The following ANO2 variants were observed in gnomAD, a reference collection of about 807,000 sequenced individuals.
ANO2 encodes the protein anoctamin 2.
ANO2 carries 101 observed loss-of-function variants against 124.2 expected under a neutral mutation model. The observed-to-expected ratio is 0.81, with a 90% confidence interval of 0.69 to 0.96. The LOEUF is 0.96. Among genes scored for constraint, ANO2 ranks in the 40% least tolerant of loss-of-function variants. ANO2 has a pLI of 0.00. For synonymous variants in ANO2, 486 were observed against 482.5 expected (o/e 1.01, Z -0.09); for missense variants, 1,293 against 1,274.5 (o/e 1.01, Z -0.22).
At chr12:5,610,972 C>CTTT (rs34792083) in intron 19 of ANO2, among the ~76,000 whole-genome samples, 5 of 113,614 alleles carry the variant, frequency 4.4e-5, no homozygotes, top group East Asian at 2.7e-4. Flanking sequence ...AACTTCTCTG[C>CTTT]TTTTTTTTTT....
At chr12:5,931,475 G>A (rs966211623) in intron 1 of ANO2, among the ~76,000 whole-genome samples, 3 of 151,910 alleles carry the variant, frequency 2.0e-5, no homozygotes, top group Non-Finnish European at 2.9e-5. Context: ...TCACAAGGAA[G>A]GAAGGCCTAT....
At chr12:5,912,955 A>G (rs2136293854) in intron 3 of ANO2, among the ~76,000 whole-genome samples, 1 of 152,326 alleles carries the variant, frequency 6.6e-6, no homozygotes, top group African/African-American at 2.4e-5. Context: ...TGCGTTTGCT[A>G]TATCCTTTCC....
chr12:5,681,164 T>G (rs2137000780), intron 14 of ANO2, among the ~76,000 whole-genome samples: 1 of 152,234 alleles, frequency 6.6e-6, no homozygotes, highest in South Asian at 2.1e-4. Context: ...GGAAAGAGAC[T>G]CCAGGTAAAC....
chr12:5,704,477 A>T (rs2137031582), intron 14 of ANO2, among the ~76,000 whole-genome samples: 1 of 152,346 alleles, frequency 6.6e-6, no homozygotes, highest in Non-Finnish European at 1.5e-5. Context: ...AGCTTCTGGT[A>T]TTCTCAAAAT....
chr12:5,769,279 C>T lies in ANO2; in HGVS notation c.1056-18309G>A, dbSNP rs956953350. 2.0e-5 allele frequency among the ~76,000 whole-genome samples: 3 copies of T among 152,110 alleles called. No homozygotes were observed. Among genetic ancestry groups the T allele is most frequent in the African/African-American group, 4.8e-5 (2 of 41,430 alleles). ...GCTGCAGAGCCAGGCTGATGGGGTA[C>T]AGGTGGGACCAGGAACCAGGACTGG... On this transcript the variant is annotated intron_variant, in intron 10 of 24. Transcript: ENST00000682330. This position sits in a 1 kb window ranked among gnomAD's most constrained non-coding sequence, Gnocchi z 4.0.
chr12:5,660,096 T>G (rs1442513422), intron 14 of ANO2, among the ~76,000 whole-genome samples: 2 of 152,172 alleles, frequency 1.3e-5, no homozygotes, highest in African/African-American at 4.8e-5. Flanking sequence ...ATGGTTCGAC[T>G]TACAATTTTT....
intron 20 of ANO2, among the ~76,000 whole-genome samples, chr12:5,586,241 A>T (rs1454566349): frequency 6.6e-6 from 1 of 152,212 alleles, no homozygotes. Context: ...AGATAACACC[A>T]AGCAATCTAT....
chr12:5,847,445 CTGTG>C lies in ANO2; in HGVS notation c.633+6594_633+6597del, dbSNP rs35366359. On this transcript the variant is annotated intron_variant, in intron 4 of 24. Coordinates refer to ENST00000682330, the MANE Select transcript of ANO2 (RefSeq NM_001364791.2). Reference sequence around the variant, plus strand: ...TATTAATCAATTCCTCATAACACCTCTGTGTGTGTGTGTGTGTGTGTGTGTGTGT... The same window carrying C: ...TATTAATCAATTCCTCATAACACCTCTGTGTGTGTGTGTGTGTGTGTGTGT... Among the ~76,000 whole-genome samples, 1,090 of 144,666 alleles carry C rather than the reference CTGTG, an allele frequency of 7.5e-3. 7 individuals carry two copies. Among genetic ancestry groups the C allele is most frequent in the Non-Finnish European group, 0.011 (750 of 66,022 alleles). 94.9% of individuals were successfully genotyped at this position (144,666 alleles called of 152,430 possible). A position where few individuals can be genotyped will look rare whatever the true frequency, so the allele number is the denominator to read the frequency against.
chr12:5,587,629 G>A (rs1217901197), intron 20 of ANO2, among the ~76,000 whole-genome samples: 1 of 152,126 alleles, frequency 6.6e-6, no homozygotes, highest in Non-Finnish European at 1.5e-5. Flanking sequence ...CCTCCGAGAT[G>A]GGGGAGTGGG....
intron 3 of ANO2, among the ~76,000 whole-genome samples, chr12:5,905,139 A>AG (rs1940584964): frequency 6.6e-6 from 1 of 152,104 alleles, no homozygotes; most frequent in Non-Finnish European, 1.5e-5. Flanking sequence ...AAGGGTTCCC[A>AG]GGGGGGTGAG....
chr12:5,569,700 C>T (rs1288456873), intron 23 of ANO2, among the ~76,000 whole-genome samples: 1 of 152,080 alleles, frequency 6.6e-6, no homozygotes, highest in Non-Finnish European at 1.5e-5. Context: ...CAATCCCAGC[C>T]AGGAGTGAAT....
At chr12:5,626,344 C>T (rs1044255657) in intron 16 of ANO2, among the ~76,000 whole-genome samples, 2 of 152,046 alleles carry the variant, frequency 1.3e-5, no homozygotes, top group East Asian at 1.9e-4. Flanking sequence ...ACATATGTGT[C>T]CTAGAAACAG....
At chr12:5,688,417 C>A (rs992961027) in intron 14 of ANO2, among the ~76,000 whole-genome samples, 1 of 152,264 alleles carries the variant, frequency 6.6e-6, no homozygotes, top group Non-Finnish European at 1.5e-5. Flanking sequence ...TTAATTAATC[C>A]AAAGCCCCAG....
In ANO2 at chr12:5,855,669, A is replaced by G. The variant is rs115079785; in HGVS notation, c.535-1528T>C. Reference sequence around the variant, plus strand: ...ACTGAGTTAGGTGGTCACGTGCATTAGCTCACACAATATTTGCAACTATGC... The same window carrying G: ...ACTGAGTTAGGTGGTCACGTGCATTGGCTCACACAATATTTGCAACTATGC... On this transcript the variant is annotated intron_variant, in intron 3 of 24. Transcript: ENST00000682330. 4.1e-3 allele frequency among the ~76,000 whole-genome samples: 619 copies of G among 152,332 alleles called. 3 individuals carry two copies. The highest frequency in any genetic ancestry group is 0.014 in the African/African-American group (593 of 41,566).
intron 3 of ANO2, among the ~76,000 whole-genome samples, chr12:5,879,134 T>TG (rs759872278): frequency 6.6e-6 from 1 of 151,994 alleles, no homozygotes; most frequent in Non-Finnish European, 1.5e-5. Context: ...GGTATAAGGA[T>TG]GGGGAAAAGG....
chr12:5,843,425 C>G (rs375874097), intron 4 of ANO2, among the ~76,000 whole-genome samples: 15 of 152,072 alleles, frequency 9.9e-5, no homozygotes, highest in African/African-American at 3.6e-4. Flanking sequence ...TGGCGCACAC[C>G]TATAATCCCA....
chr12:5,571,797 A>G (rs532171845), intron 23 of ANO2, among the ~76,000 whole-genome samples: 1 of 152,248 alleles, frequency 6.6e-6, no homozygotes, highest in South Asian at 2.1e-4. Flanking sequence ...CATAGAGGTT[A>G]TGCCTCTGCT....
intron 7 of ANO2, among the ~76,000 whole-genome samples, chr12:5,819,205 C>T (rs1436766216): frequency 2.6e-5 from 4 of 152,124 alleles, no homozygotes; most frequent in South Asian, 2.1e-4. Flanking sequence ...CCCCCAACAC[C>T]CCTGTTTGCT....
chr12:5,609,672 G>A (rs1416060709), intron 19 of ANO2, among the ~76,000 whole-genome samples: 1 of 148,306 alleles, frequency 6.7e-6, no homozygotes, highest in African/African-American at 2.5e-5. Context: ...TTCAGCCCAA[G>A]CAACCTAGGA....
Sources: gnomAD v4.1 joint callset for allele counts (sites outside exome capture counted in the v4.1 genomes callset) on GRCh38, gnomAD v4.1.1 for gene constraint, Gnocchi (gnomAD v3.1) non-coding constraint, MANE v1.5 for transcripts, NCBI Gene and HGNC (gene_info 2026-07-23, HGNC 2026-07-21) for gene names.